The following HOMER1 variants were observed in gnomAD, a reference collection of about 807,000 sequenced individuals.
The protein encoded by HOMER1 is homer scaffold protein 1.
A neutral mutation model predicts 48.9 loss-of-function variants in HOMER1; 3 were observed. The ratio of observed to expected loss-of-function variants is 0.06; its 90% CI spans 0.03 to 0.16. The LOEUF (loss-of-function observed/expected upper bound fraction) is 0.16. Ranked by LOEUF, HOMER1 falls within the 10% of genes least tolerant of loss-of-function variation. The pLI, the probability that HOMER1 is intolerant of heterozygous loss-of-function variation, is 1.00. For missense variants in HOMER1, 247 were observed against 411.4 expected (o/e 0.60, Z 3.46); for synonymous variants, 134 against 146.4 (o/e 0.92, Z 0.61).
intron 5 of HOMER1, among the ~76,000 whole-genome samples, chr5:79,405,449 C>T (rs1203345805): frequency 6.6e-6 from 1 of 152,226 alleles, no homozygotes; most frequent in East Asian, 1.9e-4. Context: ...GCCCCATCTT[C>T]CTGAATTGAA....
intron 1 of HOMER1, among the ~76,000 whole-genome samples, chr5:79,466,520 T>TAATAATA (rs2112316969): frequency 6.6e-6 from 1 of 151,192 alleles, no homozygotes; most frequent in South Asian, 2.1e-4. Context: ...ATAATAATAA[T>TAATAATA]AATAAATAAA....
chr5:79,484,994 C>G (rs566656509), intron 1 of HOMER1, among the ~76,000 whole-genome samples: 31 of 152,230 alleles, frequency 2.0e-4, no homozygotes, highest in Non-Finnish European at 3.1e-4. Flanking sequence ...ACCTCACTTC[C>G]GAAAGTCTAT....
intron 1 of HOMER1, among the ~76,000 whole-genome samples, chr5:79,512,028 AAG>A: frequency 6.6e-6 from 1 of 152,366 alleles, no homozygotes; most frequent in East Asian, 1.9e-4. Context: ...CCACAGTGTG[AAG>A]AGTTAATAAA....
At chr5:79,428,495 A>T (rs985072130) in intron 5 of HOMER1, among the ~76,000 whole-genome samples, 1 of 152,160 alleles carries the variant, frequency 6.6e-6, no homozygotes, top group Admixed American at 6.5e-5. Flanking sequence ...AGGAGGAAGT[A>T]AACTATCTTT....
chr5:79,413,189 T>C (rs1324479313), intron 5 of HOMER1, among the ~76,000 whole-genome samples: 1 of 152,064 alleles, frequency 6.6e-6, no homozygotes, highest in Admixed American at 6.5e-5. Context: ...AATCTGACTT[T>C]GAGAAAAATA....
At chr5:79,472,521 A>G (rs901053601) in intron 1 of HOMER1, among the ~76,000 whole-genome samples, 24 of 152,098 alleles carry the variant, frequency 1.6e-4, no homozygotes, top group African/African-American at 5.6e-4. Context: ...TCATGCTTGT[A>G]TTCCCAGGAA....
In HOMER1 at chr5:79,467,732, A is replaced by G. The variant is rs369269428; in HGVS notation, c.6-10714T>C. 2.0e-5 allele frequency among the ~76,000 whole-genome samples: 3 copies of G among 152,218 alleles called. No homozygotes were observed. The South Asian group carries it at 6.2e-4, about 32-fold the overall frequency. On this transcript the variant is annotated intron_variant, in intron 1 of 8. Transcript: ENST00000334082. ...CAGCACTTCTCTAGTTCTTATTGACAATGCAAAATTTGAATAATCGGCCAC... is the reference window on the plus strand; with the variant it reads ...CAGCACTTCTCTAGTTCTTATTGACGATGCAAAATTTGAATAATCGGCCAC...
intron 1 of HOMER1, among the ~76,000 whole-genome samples, chr5:79,510,068 G>A (rs1322046071): frequency 5.9e-5 from 9 of 152,004 alleles, no homozygotes; most frequent in East Asian, 3.9e-4. Context: ...GCATAAATAC[G>A]CATAAAGTGT....
In HOMER1 at chr5:79,379,113, TAA is replaced by T. The variant is rs1162775227; in HGVS notation, c.877-2918_877-2917del. Among the ~76,000 whole-genome samples the T allele has an allele frequency of 5.3e-3, 468 of 87,692 alleles. 47 individuals carry two copies. The highest frequency in any genetic ancestry group is 7.4e-3 in the African/African-American group (152 of 20,494). 57.5% of individuals were successfully genotyped at this position (87,692 alleles called of 152,430 possible). On this transcript the variant is annotated intron_variant, in intron 8 of 8. Transcript: ENST00000334082. ...ATATATATATATATATATATATATA[TAA>T]AATATATAAATATTTATTTATATAT...
At chr5:79,379,677 T>TCA (rs2112187467) in intron 8 of HOMER1, among the ~76,000 whole-genome samples, 1 of 151,324 alleles carries the variant, frequency 6.6e-6, no homozygotes, top group South Asian at 2.1e-4. Flanking sequence ...ACTCCTGGGC[T>TCA]CAAGTGATCG....
chr5:79,379,078 C>CTATATATATATATATATATATA (rs1748856110), intron 8 of HOMER1, among the ~76,000 whole-genome samples: 1 of 6,596 alleles, frequency 1.5e-4, no homozygotes. Context: ...TACCTTTTGT[C>CTATATATATATATATATATATA]CATATATATA....
At chr5:79,424,805 A>G (rs7734310) in intron 5 of HOMER1, among the ~76,000 whole-genome samples, 28,639 of 152,042 alleles carry the variant, frequency 0.19, 3,698 homozygotes, top group East Asian at 0.43. Context: ...TATCAGAAAT[A>G]ACAGCTATTT....
chr5:79,481,751 T>C (rs59187735), intron 1 of HOMER1, among the ~76,000 whole-genome samples: 12,111 of 152,190 alleles, frequency 0.08, 1,069 homozygotes, highest in East Asian at 0.23. Context: ...GGAGAGCACA[T>C]GGGACATTGG....
intron 1 of HOMER1, chr5:79,510,450 A>C: frequency 1.5e-6 from 1 of 681,652 alleles, no homozygotes; most frequent in Non-Finnish European, 2.7e-6. Context: ...AAGTCCAAGA[A>C]CCACACCACA....
At chr5:79,433,073 CCA>C (rs146423565) in intron 5 of HOMER1, among the ~76,000 whole-genome samples, 356 of 152,306 alleles carry the variant, frequency 2.3e-3, no homozygotes, top group African/African-American at 8.2e-3. Context: ...TACATACAGT[CCA>C]CAGTCTCATC....
chr5:79,502,952 G>C (rs917471025), intron 1 of HOMER1, among the ~76,000 whole-genome samples: 1 of 151,104 alleles, frequency 6.6e-6, no homozygotes, highest in Non-Finnish European at 1.5e-5. Flanking sequence ...CACCACGCCC[G>C]GCTAATTTTT....
chr5:79,439,247 G>T, intron 4 of HOMER1, 98 bp from the exon 5 acceptor site: 2 of 1,042,274 alleles, frequency 1.9e-6, no homozygotes, highest in Non-Finnish European at 2.7e-6. Flanking sequence ...TATGCTTACT[G>T]ATGAACCAAA....
At chr5:79,398,352 C>T (rs1350733265) in intron 6 of HOMER1, among the ~76,000 whole-genome samples, 1 of 151,742 alleles carries the variant, frequency 6.6e-6, no homozygotes, top group Non-Finnish European at 1.5e-5. Flanking sequence ...CACCCTATCA[C>T]AGTTCTTTAC....
chr5:79,437,174 A>G (rs1355021019), intron 5 of HOMER1, among the ~76,000 whole-genome samples: 1 of 152,196 alleles, frequency 6.6e-6, no homozygotes, highest in East Asian at 1.9e-4. Context: ...TTAGGTGCAT[A>G]AAGTAAACTA....
Sources: gnomAD v4.1 joint callset for allele counts (sites outside exome capture counted in the v4.1 genomes callset) on GRCh38, gnomAD v4.1.1 for gene constraint, MANE v1.5 for transcripts, NCBI Gene and HGNC (gene_info 2026-07-23, HGNC 2026-07-21) for gene names.